The following CNTNAP2 variants were observed in gnomAD, a reference collection of about 807,000 sequenced individuals.
CNTNAP2 encodes contactin-associated protein-like 2.
A neutral mutation model predicts 155.2 loss-of-function variants in CNTNAP2; 98 were observed. The observed-to-expected ratio is 0.63, with a 90% CI of 0.54 to 0.75. The LOEUF (loss-of-function observed/expected upper bound fraction) is 0.75. Among genes scored for constraint, CNTNAP2 ranks in the 30% least tolerant of loss-of-function variants. The pLI is 0.00. For missense variants in CNTNAP2, 1,727 were observed against 1,688.1 expected (o/e 1.02, Z -0.40); for synonymous variants, 651 against 631.2 (o/e 1.03, Z -0.47).
At chr7:147,922,285 T>C (rs892378964) in intron 14 of CNTNAP2, among the ~76,000 whole-genome samples, 3 of 152,212 alleles carry the variant, frequency 2.0e-5, no homozygotes, top group African/African-American at 7.2e-5. Context: ...AATGTATGAA[T>C]TGGTTTTGTG....
chr7:147,706,971 A>G (rs553123332), intron 13 of CNTNAP2, among the ~76,000 whole-genome samples: 1 of 152,154 alleles, frequency 6.6e-6, no homozygotes, highest in South Asian at 2.1e-4. Context: ...CAGTTTCACA[A>G]TTTCTGTTTG....
intron 1 of CNTNAP2, among the ~76,000 whole-genome samples, chr7:146,269,142 C>T (rs1462581133): frequency 6.6e-6 from 1 of 152,032 alleles, no homozygotes. Flanking sequence ...GAGATCGAGA[C>T]AATCCTGGCC....
intron 6 of CNTNAP2, among the ~76,000 whole-genome samples, chr7:147,124,403 T>C (rs1000909353): frequency 7.9e-5 from 12 of 152,138 alleles, no homozygotes; most frequent in Non-Finnish European, 1.5e-4. Context: ...AACAACCAGC[T>C]CTCTCCAGGG....
At chr7:146,482,965 G>A (rs1293752734) in intron 1 of CNTNAP2, among the ~76,000 whole-genome samples, 1 of 151,308 alleles carries the variant, frequency 6.6e-6, no homozygotes, top group Non-Finnish European at 1.5e-5. Context: ...TATTTTATTT[G>A]CACTGGAAAT....
chr7:146,975,980 T>C (rs1301161362), intron 3 of CNTNAP2, among the ~76,000 whole-genome samples: 1 of 152,188 alleles, frequency 6.6e-6, no homozygotes, highest in Non-Finnish European at 1.5e-5. Context: ...ACTTAAAGTC[T>C]AATGATGATG....
chr7:147,464,760 A>G (rs143900762), intron 10 of CNTNAP2, among the ~76,000 whole-genome samples: 28 of 152,328 alleles, frequency 1.8e-4, no homozygotes, highest in African/African-American at 5.3e-4. Context: ...ATGCATCATG[A>G]CAATTTCATA....
chr7:147,615,473 A>G (rs1194878471), intron 12 of CNTNAP2, among the ~76,000 whole-genome samples: 1 of 151,656 alleles, frequency 6.6e-6, no homozygotes, highest in Non-Finnish European at 1.5e-5. Context: ...AGAAGATATA[A>G]TTTGTATATT....
intron 1 of CNTNAP2, among the ~76,000 whole-genome samples, chr7:146,564,481 A>G (rs1273301760): frequency 1.3e-5 from 2 of 149,920 alleles, no homozygotes; most frequent in East Asian, 1.9e-4. Context: ...TATGTTTCAT[A>G]TATCATATAT....
In CNTNAP2 at chr7:148,063,215, A is replaced by G. The variant is rs145363245; in HGVS notation, c.2384-54903A>G. Among the ~76,000 whole-genome samples the G allele has an allele frequency of 3.9e-3, 587 of 152,068 alleles. 5 individuals are homozygous for G. The highest frequency in any genetic ancestry group is 0.02 in the Middle Eastern group (6 of 294). On this transcript the variant is annotated intron_variant, in intron 15 of 23. Coordinates refer to ENST00000361727, the MANE Select transcript of CNTNAP2 (RefSeq NM_014141.6). ...CATTATTTCCTGTGAGAAATCTGTCATTGATATGTTTGCTCCTTTATGGGC... is the reference window on the plus strand; with the variant it reads ...CATTATTTCCTGTGAGAAATCTGTCGTTGATATGTTTGCTCCTTTATGGGC...
At chr7:147,019,595 CTTA>C (rs551254903) in intron 3 of CNTNAP2, among the ~76,000 whole-genome samples, 29 of 152,026 alleles carry the variant, frequency 1.9e-4, no homozygotes, top group Non-Finnish European at 3.7e-4. Context: ...ATATTAAGGA[CTTA>C]TTATTTATTA....
chr7:146,488,148 G>A (rs111609578), intron 1 of CNTNAP2, among the ~76,000 whole-genome samples: 3,864 of 152,044 alleles, frequency 0.025, 58 homozygotes, highest in African/African-American at 0.048. Context: ...ACCACATCTA[G>A]TCAGACACGC....
chr7:147,554,447 A>C (rs1018401918), intron 11 of CNTNAP2, among the ~76,000 whole-genome samples: 10 of 152,140 alleles, frequency 6.6e-5, no homozygotes, highest in African/African-American at 2.4e-4. Flanking sequence ...ACAAAAGAAA[A>C]AATGGGCTGG....
rs1254422142 is a variant in CNTNAP2 at position 147,775,261 on chromosome 7, ATATATT to A, written c.2099-128298_2099-128293del. Among the ~76,000 whole-genome samples the A allele has an allele frequency of 1.3e-3, 139 of 106,420 alleles. 13 individuals are homozygous for A. Among genetic ancestry groups the A allele is most frequent in the Admixed American group, 0.013 (87 of 6,710 alleles). The allele number at this position is 106,420 out of a possible 152,430, so 69.8% of individuals were successfully genotyped here. A position where few individuals can be genotyped will look rare whatever the true frequency, so the allele number is the denominator to read the frequency against. ...TATATATTTATATATATATTTATAA[ATATATT>A]TATATATATATTTATAAATATATAT... On this transcript the variant is annotated intron_variant, in intron 13 of 23. Transcript: ENST00000361727.
chr7:147,100,465 T>C (rs1425527287), intron 4 of CNTNAP2, among the ~76,000 whole-genome samples: 1 of 152,202 alleles, frequency 6.6e-6, no homozygotes, highest in Non-Finnish European at 1.5e-5. Flanking sequence ...GACTTTAATC[T>C]TGGAATATGC....
chr7:146,924,245 T>A (rs1796561796), intron 3 of CNTNAP2, among the ~76,000 whole-genome samples: 1 of 152,052 alleles, frequency 6.6e-6, no homozygotes, highest in South Asian at 2.1e-4. Context: ...AAATTAGATT[T>A]TTTTTAAATT....
intron 13 of CNTNAP2, among the ~76,000 whole-genome samples, chr7:147,887,574 C>T (rs1364534338): frequency 1.3e-5 from 2 of 152,146 alleles, no homozygotes; most frequent in African/African-American, 4.8e-5. Context: ...GAAGAAAAAT[C>T]ATGAACCAAG....
At chr7:147,556,682 T>TC (rs959740002) in intron 11 of CNTNAP2, among the ~76,000 whole-genome samples, 4 of 152,034 alleles carry the variant, frequency 2.6e-5, no homozygotes, top group African/African-American at 9.7e-5. Context: ...TATATAGATT[T>TC]CCCCCCTAGA....
At chr7:147,724,199 T>C (rs921284715) in intron 13 of CNTNAP2, among the ~76,000 whole-genome samples, 1 of 151,942 alleles carries the variant, frequency 6.6e-6, no homozygotes, top group Non-Finnish European at 1.5e-5. Context: ...GTAATAAACC[T>C]AAAAATGTAT....
intron 21 of CNTNAP2, among the ~76,000 whole-genome samples, chr7:148,375,999 CAA>C (rs541531228): frequency 6.2e-5 from 3 of 48,634 alleles, no homozygotes; most frequent in African/African-American, 5.0e-5. Context: ...GACTCCATCT[CAA>C]AAAAAAAAAG....
Sources: allele counts gnomAD v4.1 joint callset (sites outside exome capture counted in the v4.1 genomes callset), GRCh38; gene constraint gnomAD v4.1.1; transcripts MANE v1.5; gene names NCBI Gene and HGNC (gene_info 2026-07-23, HGNC 2026-07-21).